LRRC1: variants seen among roughly 807,000 people sequenced by gnomAD.
LRRC1 encodes leucine rich repeat containing 1.
Under a neutral mutation model 69.9 loss-of-function variants are expected in LRRC1, and 28 were observed. That is an observed-to-expected ratio of 0.40 (90% confidence interval 0.30 to 0.55). LRRC1 has a LOEUF of 0.55. Among genes scored for constraint, LRRC1 ranks in the 20% least tolerant of loss-of-function variants. The probability of loss-of-function intolerance (pLI) is 0.47; values close to 1 mark genes in which losing one functional copy is unlikely to be tolerated. For synonymous variants in LRRC1, 236 were observed against 240.2 expected (o/e 0.98, Z 0.16); for missense variants, 498 against 609.0 (o/e 0.82, Z 1.92).
At chr6:53,806,307 T>A (rs950387778) in intron 1 of LRRC1, among the ~76,000 whole-genome samples, 1 of 152,182 alleles carries the variant, frequency 6.6e-6, no homozygotes, top group Non-Finnish European at 1.5e-5. Context: ...TTGAAGGGCA[T>A]CTTGGGGGAA....
At chr6:53,878,927 A>C (rs1767167693) in intron 2 of LRRC1, 66 bp from the exon 3 acceptor site, 1 of 895,006 alleles carries the variant, frequency 1.1e-6, no homozygotes, top group African/African-American at 1.6e-5. Context: ...AGTGTGATCC[A>C]TCTTGAGAGT....
At chr6:53,816,628 A>G (rs1173748347) in intron 1 of LRRC1, among the ~76,000 whole-genome samples, 1 of 152,166 alleles carries the variant, frequency 6.6e-6, no homozygotes, top group Non-Finnish European at 1.5e-5. Context: ...TACAATCAGA[A>G]TATATAAATC....
Position 53,795,356 on chromosome 6 carries a change from T to C in LRRC1, c.100T>C (p.Tyr34His). The C allele has an allele frequency of 6.2e-7, 1 of 1,613,776 alleles. No individual in the cohort carries two copies. Among genetic ancestry groups the C allele is most frequent in the Non-Finnish European group, 8.5e-7 (1 of 1,179,958 alleles). Residue 34 changes from tyrosine (Y) to histidine (H), a missense_variant, in exon 1 of 14, where the codon TAT becomes CAT. Around this residue, in one of 3 missense-constraint regions of LRRC1, gnomAD observed 70 missense variants for 62.1 expected, o/e 1.13. Transcript: ENST00000370888. ...LVYVPEEIYR[Y>H]ARSLEELLLD... is the part of the protein sequence containing the mutation. ...CTACGTCCCCGAGGAGATCTACCGC[T>C]ATGCCCGGAGCCTGGAGGAGCTGCT...
rs190726924 is a variant in LRRC1 at position 53,913,821 on chromosome 6, T to C, written c.991-33T>C. On this transcript the variant is annotated intron_variant, in intron 10 of 13. Coordinates refer to ENST00000370888, the MANE Select transcript of LRRC1 (RefSeq NM_018214.5). The stretch of plus-strand genomic sequence containing the variant: ...TCCTACTCCATCTCCCCTAGAAAAC[T>C]GGAAAAAAGATGTATTTTCTTTCTC... 1.2e-3 allele frequency: 1,734 copies of C among 1,480,924 alleles called. 3 individuals are homozygous for C. Among genetic ancestry groups the C allele is most frequent in the Non-Finnish European group, 1.6e-3 (1,675 of 1,064,674 alleles). 91.7% of individuals were successfully genotyped at this position (1,480,924 alleles called of 1,614,324 possible).
Position 53,810,977 on chromosome 6 carries a change from CTGTT to C in LRRC1, c.159+15568_159+15571del, listed in dbSNP as rs1417494455. Among the ~76,000 whole-genome samples, 5 of 152,144 alleles carry C rather than the reference CTGTT, an allele frequency of 3.3e-5. No individual in the cohort carries two copies. In the East Asian group the frequency reaches 9.6e-4, roughly 29 times the overall value. The stretch of plus-strand genomic sequence containing the variant: ...ATCAGGACAGGACTTAGCTGTGTAT[CTGTT>C]TGTTTTCTATCAACTTATCATCAGG... On this transcript the variant is annotated intron_variant, in intron 1 of 13. Coordinates refer to ENST00000370888, the MANE Select transcript of LRRC1 (RefSeq NM_018214.5).
At chr6:53,828,885 AG>A (rs1429358488) in intron 1 of LRRC1, among the ~76,000 whole-genome samples, 1 of 152,342 alleles carries the variant, frequency 6.6e-6, no homozygotes, top group East Asian at 1.9e-4. Context: ...AAGGGCAACA[AG>A]GTGTTATCAT....
chr6:53,805,269 C>T (rs901204627), intron 1 of LRRC1, among the ~76,000 whole-genome samples: 7 of 152,114 alleles, frequency 4.6e-5, no homozygotes, highest in African/African-American at 9.7e-5. Flanking sequence ...TCAGTGCTGC[C>T]GGGCTTTGAC....
Position 53,824,988 on chromosome 6 carries a change from C to T in LRRC1, c.160-17122C>T, listed in dbSNP as rs183259581. On this transcript the variant is annotated intron_variant, in intron 1 of 13. Coordinates refer to ENST00000370888, the MANE Select transcript of LRRC1 (RefSeq NM_018214.5). ...AGTTTTCTGGTATTTGGCCATGCCA[C>T]GCCAGTCTAATTCTTTCACCATATA... Among the ~76,000 whole-genome samples the T allele has an allele frequency of 1.1e-3, 167 of 152,284 alleles. 2 individuals are homozygous for T. Among genetic ancestry groups the T allele is most frequent in the Admixed American group, 2.4e-3 (36 of 15,296 alleles).
chr6:53,858,400 G>T (rs1766387807), intron 2 of LRRC1, among the ~76,000 whole-genome samples: 1 of 152,122 alleles, frequency 6.6e-6, no homozygotes, highest in Non-Finnish European at 1.5e-5. Context: ...CAATGTTGGT[G>T]TCACACTGTA....
chr6:53,817,120 G>GA (rs1485146197), intron 1 of LRRC1, among the ~76,000 whole-genome samples: 1 of 152,060 alleles, frequency 6.6e-6, no homozygotes, highest in Non-Finnish European at 1.5e-5. Flanking sequence ...TTCAATCCGA[G>GA]ACACTTGTCT....
rs542528892 is a variant in LRRC1, at chr6:53,842,046, A to G, written c.160-64A>G. 70 of 1,010,106 alleles carry G rather than the reference A, an allele frequency of 6.9e-5. No homozygotes were observed. In the African/African-American group the frequency reaches 1.1e-3, roughly 16 times the overall value. 62.6% of individuals were successfully genotyped at this position (1,010,106 alleles called of 1,614,324 possible). On this transcript the variant is annotated intron_variant, in intron 1 of 13. Transcript: ENST00000370888. The stretch of plus-strand genomic sequence containing the variant: ...TAAAAGACATTGTTTTACATTTCAT[A>G]GTAGCCCAAAAGTTTATGATACAAA...
chr6:53,915,638 A>T (rs1768540991), intron 11 of LRRC1, among the ~76,000 whole-genome samples: 1 of 152,198 alleles, frequency 6.6e-6, no homozygotes, highest in Non-Finnish European at 1.5e-5. Context: ...TTTTACATGA[A>T]TGAAGGCCCA....
At chr6:53,831,239 G>T (rs537533554) in intron 1 of LRRC1, among the ~76,000 whole-genome samples, 47 of 152,026 alleles carry the variant, frequency 3.1e-4, no homozygotes, top group Admixed American at 9.8e-4. Context: ...CTGAACAAAC[G>T]GCATTACATA....
intron 1 of LRRC1, among the ~76,000 whole-genome samples, chr6:53,819,407 C>T (rs928553642): frequency 3.3e-5 from 5 of 152,022 alleles, no homozygotes; most frequent in Non-Finnish European, 5.9e-5. Flanking sequence ...CGTTATGTTC[C>T]TACCCTCTTT....
At chr6:53,814,166 A>G (rs1183010567) in intron 1 of LRRC1, among the ~76,000 whole-genome samples, 1 of 152,246 alleles carries the variant, frequency 6.6e-6, no homozygotes. Context: ...TGGCTAAAGT[A>G]ATGTGTAGGT....
chr6:53,827,197 C>G (rs1052679885), intron 1 of LRRC1, among the ~76,000 whole-genome samples: 2 of 151,992 alleles, frequency 1.3e-5, no homozygotes, highest in South Asian at 2.1e-4. Context: ...CTCTCTCTGC[C>G]CATTTTCCAG....
chr6:53,908,285 A>G (rs1044036716), intron 10 of LRRC1, among the ~76,000 whole-genome samples: 2 of 152,218 alleles, frequency 1.3e-5, no homozygotes, highest in Non-Finnish European at 1.5e-5. Flanking sequence ...AGAGACGCCA[A>G]CTAAGCCACA....
At chr6:53,798,562 G>A (rs1764370690) in intron 1 of LRRC1, among the ~76,000 whole-genome samples, 1 of 152,042 alleles carries the variant, frequency 6.6e-6, no homozygotes, top group African/African-American at 2.4e-5. Flanking sequence ...AGTATTTTTA[G>A]TAGAGACAGG....
chr6:53,842,578 G>C (rs902623991), intron 2 of LRRC1, among the ~76,000 whole-genome samples: 1 of 152,212 alleles, frequency 6.6e-6, no homozygotes, highest in African/African-American at 2.4e-5. Flanking sequence ...TAGAGTTAGA[G>C]AGTGGGCTGG....
Sources: allele counts gnomAD v4.1 joint callset (sites outside exome capture counted in the v4.1 genomes callset), GRCh38; gene constraint gnomAD v4.1.1; regional missense constraint gnomAD v4.1.1; transcripts MANE v1.5; gene names NCBI Gene and HGNC (gene_info 2026-07-23, HGNC 2026-07-21).